The following CNTNAP4 variants were observed in gnomAD, a reference collection of about 807,000 sequenced individuals.
CNTNAP4 encodes the protein contactin associated protein family member 4, also known as contactin-associated protein-like 4.
In CNTNAP4, 98 loss-of-function variants were observed where a neutral mutation model predicts 148.4. The ratio of observed to expected loss-of-function variants is 0.66; its 90% confidence interval spans 0.56 to 0.78. The LOEUF (loss-of-function observed/expected upper bound fraction) is 0.78, where lower values mean the gene tolerates loss of function less well. Ranked by LOEUF, CNTNAP4 falls within the 30% of genes least tolerant of loss-of-function variation. The probability of loss-of-function intolerance (pLI) is 0.00; values close to 1 mark genes in which losing one functional copy is unlikely to be tolerated. For missense variants in CNTNAP4, 1,935 were observed against 1,565.6 expected, an observed-to-expected ratio of 1.24 and a Z score of -3.98; for synonymous variants, 730 against 565.1, an observed-to-expected ratio of 1.29 and a Z score of -4.14.
At chr16:76,555,821 G>T (rs1462508613) in intron 23 of CNTNAP4, among the ~76,000 whole-genome samples, 1 of 152,176 alleles carries the variant, frequency 6.6e-6, no homozygotes, top group African/African-American at 2.4e-5. Context: ...TAGTTCAGGG[G>T]CTTGCCAGGG....
At chr16:76,401,024 C>G (rs1395494669) in intron 3 of CNTNAP4, among the ~76,000 whole-genome samples, 1 of 152,128 alleles carries the variant, frequency 6.6e-6, no homozygotes, top group Non-Finnish European at 1.5e-5. Context: ...TATTTGGGCT[C>G]TTTTTTGGTT....
intron 3 of CNTNAP4, among the ~76,000 whole-genome samples, chr16:76,426,596 G>A (rs1205397026): frequency 6.6e-6 from 1 of 152,148 alleles, no homozygotes; most frequent in African/African-American, 2.4e-5. Flanking sequence ...TAAATGTTGG[G>A]GGCTGCAGTA....
chr16:76,320,024 T>C (rs1962238614), intron 2 of CNTNAP4, among the ~76,000 whole-genome samples: 1 of 152,172 alleles, frequency 6.6e-6, no homozygotes, highest in South Asian at 2.1e-4. Context: ...AATTGAGTAA[T>C]GAGCAAAGGT....
chr16:76,447,899 T>C, intron 4 of CNTNAP4, 113 bp from the exon 5 acceptor site: 1 of 687,436 alleles, frequency 1.5e-6, no homozygotes, highest in South Asian at 1.9e-5. Context: ...AGCATCTGTA[T>C]ATGCATGTGT....
chr16:76,521,723 A>G (rs1360214383), intron 16 of CNTNAP4, among the ~76,000 whole-genome samples: 2 of 152,202 alleles, frequency 1.3e-5, no homozygotes, highest in African/African-American at 4.8e-5. Flanking sequence ...GTACAATGCC[A>G]GTTGCTATTT....
At chr16:76,362,615 T>C (rs1231264524) in intron 3 of CNTNAP4, among the ~76,000 whole-genome samples, 3 of 152,192 alleles carry the variant, frequency 2.0e-5, no homozygotes, top group Non-Finnish European at 4.4e-5. Flanking sequence ...ATCTATGGTC[T>C]ACTGATCTTT....
chr16:76,460,773 A>AAAAAATATATATATATATATAT, intron 8 of CNTNAP4, among the ~76,000 whole-genome samples: 1 of 57,302 alleles, frequency 1.7e-5, no homozygotes, highest in Non-Finnish European at 3.3e-5. Context: ...AAAAAAAAAA[A>AAAAAATATATATATATATATAT]ATATATATAT....
chr16:76,361,027 G>A (rs529572245), intron 3 of CNTNAP4, among the ~76,000 whole-genome samples: 2 of 151,086 alleles, frequency 1.3e-5, no homozygotes, highest in East Asian at 1.9e-4. Flanking sequence ...GTTTCACCAC[G>A]TTAGCCAGGA....
intron 15 of CNTNAP4, among the ~76,000 whole-genome samples, chr16:76,519,579 A>G (rs1284568605): frequency 6.6e-6 from 1 of 152,220 alleles, no homozygotes; most frequent in Admixed American, 6.5e-5. Flanking sequence ...ATTCCTTCTG[A>G]AAACAGATCA....
At chr16:76,558,261 A>G in intron 23 of CNTNAP4, 1 of 429,618 alleles carries the variant, frequency 2.3e-6, no homozygotes. Flanking sequence ...TATAATATGC[A>G]TTCATAATAA....
chr16:76,521,239 A>C lies in CNTNAP4; in HGVS notation c.2465A>C (p.Lys822Thr). The C allele has an allele frequency of 6.2e-7, 1 of 1,612,846 alleles. No homozygotes were observed. The highest frequency in any genetic ancestry group is 8.5e-7 in the Non-Finnish European group (1 of 1,179,400). ...ELSADVSFFF[K>T]TTASSGVFLE... is the part of the protein sequence containing the mutation. ...AGCGCGGATGTATCTTTCTTTTTTA[A>C]GACAACAGCTTCATCTGGGGTATTT... Residue 822 changes from lysine (K) to threonine (T), a missense_variant, in exon 16 of 24, where the codon AAG becomes ACG. Transcript: ENST00000611870.
intron 2 of CNTNAP4, among the ~76,000 whole-genome samples, chr16:76,326,707 C>A (rs551940335): frequency 7.3e-5 from 11 of 151,470 alleles, no homozygotes; most frequent in East Asian, 3.9e-4. Context: ...GACAAAAAAA[C>A]CAAACACTGC....
chr16:76,394,119 T>C (rs1179541704), intron 3 of CNTNAP4, among the ~76,000 whole-genome samples: 2 of 152,192 alleles, frequency 1.3e-5, no homozygotes, highest in African/African-American at 4.8e-5. Flanking sequence ...TGAAAATTCA[T>C]GAGGAAATGT....
At chr16:76,522,697 T>TC (rs1344959379) in intron 17 of CNTNAP4, among the ~76,000 whole-genome samples, 418 of 13,980 alleles carry the variant, frequency 0.03, 41 homozygotes, top group Admixed American at 0.13. Context: ...CTTTCTTTTC[T>TC]TTTCTTTTCT....
chr16:76,425,692 A>G (rs903014115), intron 3 of CNTNAP4, among the ~76,000 whole-genome samples: 1 of 152,194 alleles, frequency 6.6e-6, no homozygotes, highest in Non-Finnish European at 1.5e-5. Flanking sequence ...GAGGCAGGGC[A>G]TGCAAAGATC....
intron 1 of CNTNAP4, among the ~76,000 whole-genome samples, chr16:76,284,335 C>A (rs1339480033): frequency 6.6e-6 from 1 of 151,772 alleles, no homozygotes; most frequent in South Asian, 2.1e-4. Flanking sequence ...AACAGATTTT[C>A]AAGAACAGGT....
rs1673538139 is a variant in CNTNAP4, at chr16:76,462,115, G to C, written c.1483+10G>C. 2 of 1,608,874 alleles carry C rather than the reference G, an allele frequency of 1.2e-6. No homozygotes were observed. Among genetic ancestry groups the C allele is most frequent in the South Asian group, 2.2e-5 (2 of 90,632 alleles). ...ACCTATTATTTTGGAGGTAAGAATA[G>C]GTGCCAGGCTCTATGAGCAACTGAA... On this transcript the variant is annotated intron_variant, in intron 9 of 23. Transcript: ENST00000611870.
At chr16:76,477,541 G>A (rs892876750) in intron 11 of CNTNAP4, among the ~76,000 whole-genome samples, 6 of 152,082 alleles carry the variant, frequency 3.9e-5, no homozygotes, top group South Asian at 2.1e-4. Context: ...GCCCTGATTC[G>A]GTGCTGGGGA....
chr16:76,483,022 G>C (rs28446331), intron 12 of CNTNAP4, among the ~76,000 whole-genome samples: 1,791 of 149,766 alleles, frequency 0.012, 29 homozygotes, highest in African/African-American at 0.042. Context: ...ATGAATTCCA[G>C]TGCCAAAATG....
Sources: allele counts gnomAD v4.1 joint callset (sites outside exome capture counted in the v4.1 genomes callset), GRCh38; gene constraint gnomAD v4.1.1; transcripts MANE v1.5; gene names NCBI Gene and HGNC (gene_info 2026-07-23, HGNC 2026-07-21).